NCAPH: variants seen among roughly 807,000 people sequenced by gnomAD.
NCAPH encodes the protein non-SMC condensin I complex subunit H.
NCAPH carries 38 observed loss-of-function variants against 85.5 expected under a neutral mutation model. That is an observed-to-expected ratio of 0.44 (90% CI 0.34 to 0.58). The LOEUF is 0.58. Ranked by LOEUF, NCAPH falls within the 20% of genes least tolerant of loss-of-function variation. The probability of loss-of-function intolerance (pLI) is 0.01; values close to 1 mark genes in which losing one functional copy is unlikely to be tolerated. For missense variants in NCAPH, 789 were observed against 916.6 expected (o/e 0.86, Z 1.80); for synonymous variants, 301 against 335.1 (o/e 0.90, Z 1.11).
chr2:96,357,869 C>G (rs1233565530), intron 9 of NCAPH, among the ~76,000 whole-genome samples: 1 of 152,158 alleles, frequency 6.6e-6, no homozygotes, highest in African/African-American at 2.4e-5. Context: ...TACAAGGCCA[C>G]TCTTCTGAAA....
intron 3 of NCAPH, 152 bp from the exon 4 acceptor site, chr2:96,342,604 T>A: frequency 1.5e-6 from 1 of 669,880 alleles, no homozygotes; most frequent in South Asian, 1.9e-5. Flanking sequence ...CCTGTGAGGA[T>A]TTGGCTCTTG....
In NCAPH at chr2:96,335,787, G is replaced by C; in HGVS notation, c.-43G>C. 1 of 1,468,468 alleles carries C rather than the reference G, an allele frequency of 6.8e-7. No individual in the cohort carries two copies. Among genetic ancestry groups the C allele is most frequent in the Non-Finnish European group, 9.0e-7 (1 of 1,110,494 alleles). The allele number at this position is 1,468,468 out of a possible 1,614,324, so 91.0% of individuals were successfully genotyped here. ...GGCCGTTACGGCGCTCAGGCGTCTC[G>C]ACGCGCGCGATTTAAAACCAGCTCA... On this transcript the variant is annotated 5_prime_UTR_variant, in exon 1 of 18. Transcript: ENST00000240423.
At chr2:96,369,553 A>G (rs2064745089) in intron 17 of NCAPH, 53 bp downstream of exon 17, 2 of 1,527,976 alleles carry the variant, frequency 1.3e-6, no homozygotes, top group Middle Eastern at 1.7e-4. Context: ...GTTTATGTCA[A>G]CTCATTTAGC....
intron 1 of NCAPH, among the ~76,000 whole-genome samples, chr2:96,340,383 C>CTTTTT (rs908160989): frequency 3.8e-4 from 35 of 91,252 alleles, no homozygotes; most frequent in East Asian, 9.9e-4. Flanking sequence ...TAATAAGCAT[C>CTTTTT]TTTTTTTTTT....
At chr2:96,340,783 CTTT>C (rs745890722) in intron 1 of NCAPH, among the ~76,000 whole-genome samples, 4 of 124,060 alleles carry the variant, frequency 3.2e-5, no homozygotes. Context: ...CATGTCCGGC[CTTT>C]TTTTTTTTTT....
At position 96,335,779 on chromosome 2, in the gene NCAPH, G is replaced by A. The variant is rs756668390; in HGVS notation, c.-51G>A. On this transcript the variant is annotated 5_prime_UTR_variant, in exon 1 of 18. Transcript: ENST00000240423. Reference sequence around the variant, plus strand: ...CGTCACGCGGCCGTTACGGCGCTCAGGCGTCTCGACGCGCGCGATTTAAAA... The same window carrying A: ...CGTCACGCGGCCGTTACGGCGCTCAAGCGTCTCGACGCGCGCGATTTAAAA... 1 of 1,465,506 alleles carries A rather than the reference G, an allele frequency of 6.8e-7. No individual in the cohort carries two copies. Among genetic ancestry groups the A allele is most frequent in the Non-Finnish European group, 9.0e-7 (1 of 1,108,278 alleles). The allele number at this position is 1,465,506 out of a possible 1,614,324, so 90.8% of individuals were successfully genotyped here. A position where few individuals can be genotyped will look rare whatever the true frequency, so the allele number is the denominator to read the frequency against.
At chr2:96,347,875 G>T (rs372678105) in intron 6 of NCAPH, among the ~76,000 whole-genome samples, 6 of 152,182 alleles carry the variant, frequency 3.9e-5, no homozygotes, top group Non-Finnish European at 4.4e-5. Context: ...TGCTGTGCAC[G>T]GGCAGGGAGG....
In NCAPH at chr2:96,351,964, C is replaced by T. The variant is rs561791494; in HGVS notation, c.854C>T (p.Thr285Met). ...CCCTCTGATGTCCAGACTCTCTCCA[C>T]GGGAGAACCTCTCGAGTTGCCAGAG... ...LFPSDVQTLSTGEPLELPELG... is the reference protein window; with the variant it reads ...LFPSDVQTLSMGEPLELPELG... Residue 285 changes from threonine (T) to methionine (M), a missense_variant, in exon 7 of 18, where the codon ACG becomes ATG. Physicochemically the swap from Thr to Met is moderately conservative, Grantham distance 81. Transcript: ENST00000240423. The T allele has an allele frequency of 1.7e-5, 28 of 1,614,088 alleles. No homozygotes were observed. The highest frequency in any genetic ancestry group is 1.6e-4 in the Middle Eastern group (1 of 6,062).
intron 5 of NCAPH, among the ~76,000 whole-genome samples, chr2:96,343,731 C>A (rs1205259276): frequency 6.7e-6 from 1 of 149,150 alleles, no homozygotes; most frequent in African/African-American, 2.5e-5. Context: ...AAACGAGGCT[C>A]ACTTTGTCAC....
intron 2 of NCAPH, 54 bp downstream of exon 2, chr2:96,341,948 C>T (rs1001198028): frequency 9.3e-6 from 15 of 1,605,040 alleles, no homozygotes; most frequent in Middle Eastern, 1.7e-4. Context: ...ATATGGGCTG[C>T]GTAGGTCCAG....
chr2:96,357,329 CT>C (rs753011135), intron 9 of NCAPH, among the ~76,000 whole-genome samples: 2 of 152,098 alleles, frequency 1.3e-5, no homozygotes, highest in Non-Finnish European at 2.9e-5. Flanking sequence ...AGTGGGCAGC[CT>C]TGAAAAATGG....
intron 1 of NCAPH, among the ~76,000 whole-genome samples, chr2:96,338,283 C>T (rs1332204619): frequency 2.0e-5 from 3 of 150,108 alleles, no homozygotes; most frequent in Non-Finnish European, 4.4e-5. Flanking sequence ...AAGGAACATC[C>T]CCAAGTCTGC....
At position 96,375,321 on chromosome 2, in the gene NCAPH, T is replaced by C. The variant is rs2064820641; in HGVS notation, c.*1970T>C. Among the ~76,000 whole-genome samples the C allele has an allele frequency of 6.6e-6, 1 of 152,184 alleles. No individual in the cohort carries two copies. The highest frequency in any genetic ancestry group is 2.4e-5 in the African/African-American group (1 of 41,444). On this transcript the variant is annotated 3_prime_UTR_variant, in exon 18 of 18. Transcript: ENST00000240423. ...CTCATTACATGGTTGCTGTGGGCTATGTGTGCTGTGGTCTGAATGTTTGTG... is the reference window on the plus strand; with the variant it reads ...CTCATTACATGGTTGCTGTGGGCTACGTGTGCTGTGGTCTGAATGTTTGTG...
At position 96,344,188 on chromosome 2, in the gene NCAPH, A is replaced by G. The variant is rs2104428758; in HGVS notation, c.679A>G (p.Ile227Val). The G allele has an allele frequency of 6.2e-7, 1 of 1,613,494 alleles. No individual in the cohort carries two copies. Among genetic ancestry groups the G allele is most frequent in the Non-Finnish European group, 8.5e-7 (1 of 1,179,876 alleles). ...CTTACACAGAACTATTGAGCAGAAC[A>G]TAAACAACCTCAATGTCTCCGAAGC... ...KHLHRTIEQN[I>V]NNLNVSEADR... Residue 227 changes from isoleucine to valine, a missense_variant, in exon 6 of 18, where the codon ATA becomes GTA. By Grantham distance (29) the Ile-to-Val change is conservative (BLOSUM62 3). Coordinates refer to ENST00000240423, the MANE Select transcript of NCAPH (RefSeq NM_015341.5).
rs796881318 is a variant in NCAPH at position 96,375,213 on chromosome 2, CA to C, written c.*1873del. 2.0e-4 allele frequency among the ~76,000 whole-genome samples: 29 copies of C among 144,118 alleles called. No homozygotes were observed. The highest frequency in any genetic ancestry group is 5.6e-4 in the African/African-American group (22 of 39,632). The allele number at this position is 144,118 out of a possible 152,430, so 94.5% of individuals were successfully genotyped here. A position where few individuals can be genotyped will look rare whatever the true frequency, so the allele number is the denominator to read the frequency against. ...ACAGAGTGAGATCCTATCTCTTAAA[CA>C]AAAAAAAAAACTGGCGAGTTCAATA... On this transcript the variant is annotated 3_prime_UTR_variant, in exon 18 of 18. Transcript: ENST00000240423.
At chr2:96,361,828 A>ATATATATATT (rs1457258768) in intron 12 of NCAPH, among the ~76,000 whole-genome samples, 1 of 108,022 alleles carries the variant, frequency 9.3e-6, no homozygotes, top group African/African-American at 4.2e-5. Flanking sequence ...ATATATATAT[A>ATATATATATT]TTTTTTTTTT....
chr2:96,365,731 G>A (rs1239003789), intron 13 of NCAPH, 145 bp from the exon 14 acceptor site: 7 of 777,768 alleles, frequency 9.0e-6, no homozygotes, highest in Non-Finnish European at 1.5e-5. Context: ...ATAACTAGAG[G>A]CACCTAGAAG....
At chr2:96,357,131 C>T (rs966125763) in intron 9 of NCAPH, among the ~76,000 whole-genome samples, 3 of 152,204 alleles carry the variant, frequency 2.0e-5, no homozygotes, top group Admixed American at 2.0e-4. Flanking sequence ...GCCTACTTCA[C>T]GCATGCGAGA....
intron 13 of NCAPH, 111 bp downstream of exon 13, chr2:96,364,702 AGT>A: frequency 1.3e-6 from 1 of 762,108 alleles, no homozygotes; most frequent in Non-Finnish European, 2.2e-6. Context: ...TTTTGAATCC[AGT>A]GGAGGTTTTC....
Sources: allele counts gnomAD v4.1 joint callset (sites outside exome capture counted in the v4.1 genomes callset), GRCh38; gene constraint gnomAD v4.1.1; transcripts MANE v1.5; gene names NCBI Gene and HGNC (gene_info 2026-07-23, HGNC 2026-07-21).